The following IKZF2 variants were observed in gnomAD, a reference collection of about 807,000 sequenced individuals.
IKZF2 encodes IKAROS family zinc finger 2.
Under a neutral mutation model 49.2 loss-of-function variants are expected in IKZF2, and 15 were observed. The ratio of observed to expected loss-of-function variants is 0.30; its 90% CI spans 0.20 to 0.47. The LOEUF is 0.47. Among genes scored for constraint, IKZF2 ranks in the 20% least tolerant of loss-of-function variants. The pLI, the probability that IKZF2 is intolerant of heterozygous loss-of-function variation, is 1.00. For missense variants in IKZF2, 567 were observed against 664.6 expected, an observed-to-expected ratio of 0.85 and a Z score of 1.61; for synonymous variants, 227 against 221.4, an observed-to-expected ratio of 1.03 and a Z score of -0.23.
chr2:213,042,136 A>AT (rs151122052), intron 6 of IKZF2, among the ~76,000 whole-genome samples: 18,417 of 150,398 alleles, frequency 0.12, 1,228 homozygotes, highest in South Asian at 0.24. Context: ...TAGACAGCAC[A>AT]TTTTTTTTTT....
In IKZF2 at chr2:213,095,001, T is replaced by C. The variant is rs1159640655; in HGVS notation, c.140-37902A>G. Among the ~76,000 whole-genome samples, 5 of 152,296 alleles carry C rather than the reference T, an allele frequency of 3.3e-5. No individual in the cohort carries two copies. The East Asian group carries it at 9.7e-4, about 29-fold the overall frequency. ...TGAGTGAAGTGGTATATGAGAATTA[T>C]GAGTTTTTAAATTATTGACTTGAAA... On this transcript the variant is annotated intron_variant, in intron 4 of 8. Transcript: ENST00000434687.
rs995844103 is a variant in IKZF2, at chr2:213,151,407, A to G, written c.-120+6T>C. The stretch of plus-strand genomic sequence containing the variant: ...TTCACCACGCAAAAGCCAAGCGGAG[A>G]TTTACCTCAGCAGTGCATGCAGTAA... On this transcript the variant is annotated splice_donor_region_variant and intron_variant, in intron 1 of 8. Transcript: ENST00000434687. The G allele has an allele frequency of 2.6e-5, 4 of 152,428 alleles. No individual in the cohort carries two copies. The highest frequency in any genetic ancestry group is 9.7e-5 in the African/African-American group (4 of 41,396). The allele number at this position is 152,428 out of a possible 1,614,324, so 9.4% of individuals were successfully genotyped here.
chr2:213,105,466 C>A (rs528978431), intron 4 of IKZF2, among the ~76,000 whole-genome samples: 2 of 150,718 alleles, frequency 1.3e-5, no homozygotes, highest in African/African-American at 4.9e-5. Flanking sequence ...CATTCCTGGA[C>A]TGGTTTTCTC....
At chr2:213,105,072 T>C (rs1408617636) in intron 4 of IKZF2, among the ~76,000 whole-genome samples, 1 of 152,114 alleles carries the variant, frequency 6.6e-6, no homozygotes, top group African/African-American at 2.4e-5. Flanking sequence ...AAGGAGCTCA[T>C]TGCTTTCCCT....
At chr2:213,033,799 T>C (rs188919220) in intron 6 of IKZF2, among the ~76,000 whole-genome samples, 16 of 152,294 alleles carry the variant, frequency 1.1e-4, no homozygotes, top group African/African-American at 3.1e-4. Context: ...TCAATGAGCA[T>C]TGGCTACAAC....
chr2:213,016,086 C>A (rs558680907), intron 7 of IKZF2, among the ~76,000 whole-genome samples: 13 of 152,182 alleles, frequency 8.5e-5, no homozygotes, highest in Admixed American at 2.0e-4. Context: ...TTTACAATAG[C>A]CCTTTTCATG....
chr2:213,092,528 T>C (rs527264445), intron 4 of IKZF2, among the ~76,000 whole-genome samples: 1 of 152,252 alleles, frequency 6.6e-6, no homozygotes, highest in South Asian at 2.1e-4. Context: ...ACTGGTCTTT[T>C]ATCACCCAAC....
chr2:213,102,676 AGG>A (rs138756556), intron 4 of IKZF2, among the ~76,000 whole-genome samples: 2 of 150,048 alleles, frequency 1.3e-5, no homozygotes, highest in African/African-American at 2.4e-5. Flanking sequence ...ATTTAAAGGA[AGG>A]GGGGGGGTCT....
At chr2:213,128,809 T>TC (rs1300737850) in intron 4 of IKZF2, among the ~76,000 whole-genome samples, 1 of 146,144 alleles carries the variant, frequency 6.8e-6, no homozygotes, top group East Asian at 2.0e-4. Context: ...TTTTTCTTTT[T>TC]TTTTTTTTTT....
chr2:213,087,218 C>A (rs1704727485), intron 4 of IKZF2, among the ~76,000 whole-genome samples: 1 of 152,064 alleles, frequency 6.6e-6, no homozygotes, highest in Non-Finnish European at 1.5e-5. Flanking sequence ...TTAAACACTG[C>A]CTGTTGCTGT....
chr2:213,040,662 T>C (rs1699539941), intron 6 of IKZF2, among the ~76,000 whole-genome samples: 1 of 152,072 alleles, frequency 6.6e-6, no homozygotes, highest in South Asian at 2.1e-4. Flanking sequence ...CTCAGAGTAT[T>C]AGGTATAATA....
intron 4 of IKZF2, among the ~76,000 whole-genome samples, chr2:213,082,342 T>G (rs986502150): frequency 6.6e-6 from 1 of 152,154 alleles, no homozygotes; most frequent in East Asian, 1.9e-4. Context: ...TATCTAGAAA[T>G]ATGAGCAAAT....
At chr2:213,036,943 C>CCACA (rs150821020) in intron 6 of IKZF2, among the ~76,000 whole-genome samples, 3 of 150,474 alleles carry the variant, frequency 2.0e-5, no homozygotes, top group Admixed American at 6.6e-5. Context: ...ACAAAACACA[C>CCACA]CACACACACA....
intron 4 of IKZF2, among the ~76,000 whole-genome samples, chr2:213,103,186 G>A (rs190017064): frequency 2.6e-5 from 4 of 152,070 alleles, no homozygotes; most frequent in African/African-American, 9.7e-5. Flanking sequence ...ATTCATACAA[G>A]GTCACTCAGT....
At position 213,007,537 on chromosome 2, in the gene IKZF2, A is replaced by G; in HGVS notation, c.1404T>C (p.Ile468=). The change falls in exon 9 of 9, where the codon ATT becomes ATC. Residue 468 remains isoleucine (I), a synonymous_variant. Coordinates refer to ENST00000434687, the MANE Select transcript of IKZF2 (RefSeq NM_001387220.1). The part of the protein sequence containing the change: ...YKVFNGEGEQ[I]RAFKCEHCRV... Reference sequence around the variant, plus strand: ...GGCAGTGCTCACACTTGAAGGCCCTAATCTGTTCTCCTTCTCCATTGAAGA... The same window carrying G: ...GGCAGTGCTCACACTTGAAGGCCCTGATCTGTTCTCCTTCTCCATTGAAGA... 1 of 1,613,682 alleles carries G rather than the reference A, an allele frequency of 6.2e-7. No homozygotes were observed. The highest frequency in any genetic ancestry group is 8.5e-7 in the Non-Finnish European group (1 of 1,179,726).
At chr2:213,013,676 G>T (rs1696233746) in intron 8 of IKZF2, 115 bp downstream of exon 8, 2 of 904,090 alleles carry the variant, frequency 2.2e-6, no homozygotes, top group Non-Finnish European at 3.4e-6. Flanking sequence ...GAAGAAAAGA[G>T]ATGGGTATTT....
chr2:213,030,577 A>C (rs1393398718), intron 6 of IKZF2, among the ~76,000 whole-genome samples: 1 of 152,148 alleles, frequency 6.6e-6, no homozygotes, highest in Non-Finnish European at 1.5e-5. Context: ...AGAGATTTAC[A>C]ATGTATATGA....
At chr2:213,144,987 C>T (rs529915122) in intron 4 of IKZF2, among the ~76,000 whole-genome samples, 31 of 151,766 alleles carry the variant, frequency 2.0e-4, no homozygotes, top group African/African-American at 6.3e-4. Flanking sequence ...TGATAGCTGC[C>T]GTCATTATTT....
At chr2:213,102,555 A>G (rs1276606387) in intron 4 of IKZF2, among the ~76,000 whole-genome samples, 1 of 152,092 alleles carries the variant, frequency 6.6e-6, no homozygotes, top group Non-Finnish European at 1.5e-5. Flanking sequence ...TAAGTAAATA[A>G]GACGTCAATC....
Sources: allele counts gnomAD v4.1 joint callset (sites outside exome capture counted in the v4.1 genomes callset), GRCh38; gene constraint gnomAD v4.1.1; transcripts MANE v1.5; gene names NCBI Gene and HGNC (gene_info 2026-07-23, HGNC 2026-07-21).